The following LRP1B variants were observed in gnomAD, a reference collection of about 807,000 sequenced individuals.
LRP1B encodes the protein LDL receptor related protein 1B.
In LRP1B, 217 loss-of-function variants were observed where a neutral mutation model predicts 556.6. That is an observed-to-expected ratio of 0.39 (90% CI 0.35 to 0.44). The LOEUF is 0.44. LRP1B is among the 20% of genes least tolerant of loss of function. The pLI, the probability that LRP1B is intolerant of heterozygous loss-of-function variation, is 1.00. For synonymous variants in LRP1B, 2,047 were observed against 1,865.8 expected (o/e 1.10, Z -2.50); for missense variants, 5,053 against 5,620.8 (o/e 0.90, Z 3.23).
chr2:142,057,978 G>C (rs1405414878), intron 1 of LRP1B, among the ~76,000 whole-genome samples: 43 of 152,112 alleles, frequency 2.8e-4, no homozygotes, highest in Admixed American at 2.8e-3. Context: ...TCAAAGTCAG[G>C]ATTTAATGTA....
chr2:141,309,645 T>A (rs1686735127), intron 3 of LRP1B, among the ~76,000 whole-genome samples: 3 of 152,140 alleles, frequency 2.0e-5, no homozygotes, highest in Admixed American at 2.0e-4. Flanking sequence ...TTCTCACTCA[T>A]AAGTAGGAGT....
chr2:141,122,690 G>C (rs1018008901), intron 7 of LRP1B, among the ~76,000 whole-genome samples: 12 of 152,298 alleles, frequency 7.9e-5, no homozygotes, highest in African/African-American at 2.4e-4. Context: ...AAGACAGTGT[G>C]GCGATTCCTC....
chr2:140,445,991 A>G (rs1461887669), intron 63 of LRP1B, among the ~76,000 whole-genome samples: 1 of 152,148 alleles, frequency 6.6e-6, no homozygotes, highest in Non-Finnish European at 1.5e-5. Flanking sequence ...TAATTACAAT[A>G]TTAAATAAAA....
intron 2 of LRP1B, among the ~76,000 whole-genome samples, chr2:141,611,048 T>G (rs1433775867): frequency 6.6e-6 from 1 of 152,142 alleles, no homozygotes; most frequent in East Asian, 1.9e-4. Context: ...ATTATACAAG[T>G]GAGCAAGGAA....
chr2:140,974,548 T>C (rs1448826208), intron 18 of LRP1B, among the ~76,000 whole-genome samples: 1 of 152,216 alleles, frequency 6.6e-6, no homozygotes, highest in Non-Finnish European at 1.5e-5. Flanking sequence ...AATAAACATG[T>C]ATATGTTTGT....
intron 7 of LRP1B, among the ~76,000 whole-genome samples, chr2:141,169,992 G>A (rs16845549): frequency 3.3e-5 from 5 of 151,910 alleles, no homozygotes; most frequent in Non-Finnish European, 5.9e-5. Context: ...GTAATCTCAT[G>A]GTGTGGGGTT....
chr2:140,305,947 G>T (rs1196021573), intron 83 of LRP1B, among the ~76,000 whole-genome samples: 1 of 151,658 alleles, frequency 6.6e-6, no homozygotes, highest in African/African-American at 2.4e-5. Flanking sequence ...TTATATGCTG[G>T]ATTACATTTA....
chr2:141,094,659 T>C (rs1358055936), intron 7 of LRP1B, among the ~76,000 whole-genome samples: 1 of 152,194 alleles, frequency 6.6e-6, no homozygotes, highest in East Asian at 1.9e-4. Flanking sequence ...GATGTGGCAT[T>C]GCTAAATTAT....
At chr2:141,725,005 C>T (rs1692975360) in intron 2 of LRP1B, among the ~76,000 whole-genome samples, 1 of 151,826 alleles carries the variant, frequency 6.6e-6, no homozygotes, top group Non-Finnish European at 1.5e-5. Context: ...CCTTTTATGT[C>T]TCCTGGTCAT....
intron 41 of LRP1B, among the ~76,000 whole-genome samples, chr2:140,672,199 G>A (rs944903222): frequency 2.0e-5 from 3 of 152,006 alleles, no homozygotes; most frequent in Non-Finnish European, 2.9e-5. Context: ...GATAAAATGA[G>A]TCACCAGGCT....
chr2:141,811,531 G>A lies in LRP1B; in HGVS notation c.83-1130C>T, dbSNP rs574711302. Among the ~76,000 whole-genome samples, 8 of 151,608 alleles carry A rather than the reference G, an allele frequency of 5.3e-5. No individual in the cohort carries two copies. In the East Asian group the frequency reaches 5.8e-4, roughly 11 times the overall value. On this transcript the variant is annotated intron_variant, in intron 1 of 90. Transcript: ENST00000389484. ...CCTTACTCTCCCTCAACTTCCCTCCGCCTGATACCAGCAGCATAAATTTCA... is the reference window on the plus strand; with the variant it reads ...CCTTACTCTCCCTCAACTTCCCTCCACCTGATACCAGCAGCATAAATTTCA...
In LRP1B at chr2:140,506,899, A is replaced by T. The variant is rs2104907550; in HGVS notation, c.8418T>A (p.Asp2806Glu). Residue 2806 changes from aspartate (D) to glutamate (E), a missense_variant, in exon 53 of 91, where the codon GAT (aspartate) becomes GAA (glutamate). By Grantham distance (45) the Asp-to-Glu change is conservative. Around this residue, in one of 5 missense-constraint regions of LRP1B, gnomAD observed 3,619 missense variants for 3,931.9 expected, o/e 0.92. Coordinates refer to ENST00000389484, the MANE Select transcript of LRP1B (RefSeq NM_018557.3). ...TATTATGGCACATGAAAGCATTTTC[A>T]TCACATGTATTATTGGGAGCTAAGA... The part of the protein sequence containing the change: ...TAGCAPNNTC[D>E]ENAFMCHNKV... 6.2e-7 allele frequency: 1 copy of T among 1,614,008 alleles called. No homozygotes were observed. The highest frequency in any genetic ancestry group is 8.5e-7 in the Non-Finnish European group (1 of 1,179,940).
chr2:140,362,034 C>T (rs556376169), intron 72 of LRP1B, among the ~76,000 whole-genome samples: 1 of 151,634 alleles, frequency 6.6e-6, no homozygotes, highest in East Asian at 1.9e-4. Flanking sequence ...TCACCATATC[C>T]AATCCGTCAT....
chr2:141,131,310 C>G (rs572571436), intron 7 of LRP1B, among the ~76,000 whole-genome samples: 1 of 150,438 alleles, frequency 6.6e-6, no homozygotes, highest in Non-Finnish European at 1.5e-5. Context: ...ACGGACTGAT[C>G]TTTAAGATAC....
chr2:141,262,924 T>C (rs1558967758), intron 3 of LRP1B, among the ~76,000 whole-genome samples: 1 of 151,946 alleles, frequency 6.6e-6, no homozygotes, highest in Admixed American at 6.6e-5. Flanking sequence ...GCTTTTCAGT[T>C]CCTAAAGAAT....
At chr2:140,575,565 T>C (rs1436833397) in intron 43 of LRP1B, among the ~76,000 whole-genome samples, 1 of 152,186 alleles carries the variant, frequency 6.6e-6, no homozygotes, top group East Asian at 1.9e-4. Flanking sequence ...CAATATTCTC[T>C]GTGAATTTTA....
chr2:141,042,824 C>G (rs1378679773), intron 11 of LRP1B, among the ~76,000 whole-genome samples: 1 of 151,880 alleles, frequency 6.6e-6, no homozygotes, highest in Non-Finnish European at 1.5e-5. Context: ...AAGGATACAT[C>G]TAGAGGACAT....
intron 10 of LRP1B, among the ~76,000 whole-genome samples, chr2:141,050,131 A>G (rs981097596): frequency 3.9e-5 from 6 of 151,924 alleles, no homozygotes; most frequent in Non-Finnish European, 5.9e-5. Flanking sequence ...ACTCAGCTGT[A>G]TTTGGATAAC....
intron 83 of LRP1B, among the ~76,000 whole-genome samples, chr2:140,301,768 T>G (rs1318707835): frequency 6.6e-6 from 1 of 151,780 alleles, no homozygotes; most frequent in Non-Finnish European, 1.5e-5. Flanking sequence ...TATATGTATA[T>G]TTTCTGTAGT....
Sources: gnomAD v4.1 joint callset for allele counts (sites outside exome capture counted in the v4.1 genomes callset) on GRCh38, gnomAD v4.1.1 for gene constraint, gnomAD v4.1.1 regional missense constraint, MANE v1.5 for transcripts, NCBI Gene and HGNC (gene_info 2026-07-23, HGNC 2026-07-21) for gene names.